The following ALDH8A1 variants were observed in gnomAD, a reference collection of about 807,000 sequenced individuals.
The protein encoded by ALDH8A1 is 2-aminomuconic semialdehyde dehydrogenase.
Under a neutral mutation model 43.3 loss-of-function variants are expected in ALDH8A1, and 39 were observed. The observed-to-expected ratio is 0.90, with a 90% confidence interval of 0.70 to 1.18. The LOEUF is 1.18. ALDH8A1 is among the 50% of genes most tolerant of loss of function. The pLI is 0.00. For missense variants in ALDH8A1, 605 were observed against 622.6 expected, an observed-to-expected ratio of 0.97 and a Z score of 0.30; for synonymous variants, 233 against 243.5, an observed-to-expected ratio of 0.96 and a Z score of 0.40.
intron 6 of ALDH8A1, among the ~76,000 whole-genome samples, chr6:134,926,202 C>CTTTTTTTTTT (rs749949919): frequency 5.3e-5 from 5 of 93,738 alleles, no homozygotes; most frequent in Middle Eastern, 6.3e-3. Flanking sequence ...CAGGACCCTT[C>CTTTTTTTTTT]TTTTTTTTTT....
chr6:134,942,388 C>A (rs202009000), intron 3 of ALDH8A1, 21 bp downstream of exon 3: 1 of 1,569,890 alleles, frequency 6.4e-7, no homozygotes, highest in Non-Finnish European at 8.7e-7. Flanking sequence ...GGGAGGTGGG[C>A]TCTCACTGAA....
rs117307860 is a variant in ALDH8A1 at position 134,918,223 on chromosome 6, G to A, written c.*192C>T. 3.3e-4 allele frequency: 191 copies of A among 581,742 alleles called. 2 individuals are homozygous for A. In the East Asian group the frequency reaches 4.6e-3, roughly 14 times the overall value. The allele number at this position is 581,742 out of a possible 1,614,324, so 36.0% of individuals were successfully genotyped here. A position where few individuals can be genotyped will look rare whatever the true frequency, so the allele number is the denominator to read the frequency against. On this transcript the variant is annotated 3_prime_UTR_variant, in exon 7 of 7. Transcript: ENST00000265605. ...TTCCTACTTATAAGTCTTTTTTTCCGAGTCCACATTGAAAATAGACAGTAT... is the reference window on the plus strand; with the variant it reads ...TTCCTACTTATAAGTCTTTTTTTCCAAGTCCACATTGAAAATAGACAGTAT...
rs1322236406 is a variant in ALDH8A1 at position 134,934,784 on chromosome 6, A to AAAAT, written c.593-1756_593-1753dup. 3.9e-5 allele frequency among the ~76,000 whole-genome samples: 6 copies of AAAAT among 152,326 alleles called. No homozygotes were observed. In the East Asian group the frequency reaches 7.7e-4, roughly 20 times the overall value. Reference sequence around the variant, plus strand: ...GGCAATGCAGCCAGACTCCATCTCAAAAATAAATAAATAAATGAAATAATA... The same window carrying AAAAT: ...GGCAATGCAGCCAGACTCCATCTCAAAAATAAATAAATAAATAAATGAAATAATA... On this transcript the variant is annotated intron_variant, in intron 4 of 6. Coordinates refer to ENST00000265605, the MANE Select transcript of ALDH8A1 (RefSeq NM_022568.4).
intron 5 of ALDH8A1, among the ~76,000 whole-genome samples, chr6:134,930,892 C>CT (rs1776974446): frequency 6.6e-6 from 1 of 152,178 alleles, no homozygotes; most frequent in South Asian, 2.1e-4. Context: ...GCGCAGGGTG[C>CT]TTTCCTCATT....
At position 134,932,857 on chromosome 6, in the gene ALDH8A1, GCCCC is replaced by G; in HGVS notation, c.764_767del (p.Gly255AlafsTer49). ...CCTCAAAGATGATGGCAGGATTCTT[GCCCC>G]CCAGCTCCAGGGAGAGCTTTTTGCA... is the stretch of plus-strand genomic sequence containing the variant. On this transcript the variant is annotated frameshift_variant, in exon 5 of 7. Transcript: ENST00000265605. LOFTEE classifies it high-confidence loss of function. 1 of 1,614,174 alleles carries G rather than the reference GCCCC, an allele frequency of 6.2e-7. No homozygotes were observed. Among genetic ancestry groups the G allele is most frequent in the African/African-American group, 1.3e-5 (1 of 75,040 alleles).
Position 134,918,223 on chromosome 6 carries a change from G to T in ALDH8A1, c.*192C>A. 5.2e-6 allele frequency: 3 copies of T among 581,748 alleles called. No homozygotes were observed. The highest frequency in any genetic ancestry group is 2.5e-5 in the South Asian group (1 of 39,720). 36.0% of individuals were successfully genotyped at this position (581,748 alleles called of 1,614,324 possible). A position where few individuals can be genotyped will look rare whatever the true frequency, so the allele number is the denominator to read the frequency against. ...TTCCTACTTATAAGTCTTTTTTTCC[G>T]AGTCCACATTGAAAATAGACAGTAT... On this transcript the variant is annotated 3_prime_UTR_variant, in exon 7 of 7. Transcript: ENST00000265605.
chr6:134,933,574 C>T (rs537840498), intron 4 of ALDH8A1, among the ~76,000 whole-genome samples: 2 of 152,272 alleles, frequency 1.3e-5, no homozygotes, highest in East Asian at 1.9e-4. Context: ...TTATAAATAG[C>T]ATCATAACAC....
At chr6:134,941,838 T>A (rs72564647) in intron 3 of ALDH8A1, among the ~76,000 whole-genome samples, 20,873 of 152,004 alleles carry the variant, frequency 0.14, 2,067 homozygotes, top group East Asian at 0.25. Flanking sequence ...TTTCCTTTTT[T>A]AAATATAAGT....
chr6:134,947,118 A>T (rs968472532), intron 1 of ALDH8A1, among the ~76,000 whole-genome samples: 5 of 152,244 alleles, frequency 3.3e-5, no homozygotes, highest in Non-Finnish European at 7.3e-5. Context: ...TGCCAAAAAT[A>T]TGCATTGGTG....
Position 134,939,425 on chromosome 6 carries a change from G to T in ALDH8A1, c.443-10C>A, listed in dbSNP as rs200628448. On this transcript the variant is annotated splice_polypyrimidine_tract_variant and intron_variant, in intron 3 of 6. Coordinates refer to ENST00000265605, the MANE Select transcript of ALDH8A1 (RefSeq NM_022568.4). ...GGGCTGATCAGACCAGCTAAGGGAT[G>T]AGAGCAGAAGCACTGCCTGTGACGG... is the stretch of plus-strand genomic sequence containing the variant. 6.2e-7 allele frequency: 1 copy of T among 1,613,078 alleles called. No homozygotes were observed. Among genetic ancestry groups the T allele is most frequent in the African/African-American group, 1.3e-5 (1 of 75,038 alleles).
intron 6 of ALDH8A1, among the ~76,000 whole-genome samples, chr6:134,921,930 C>G (rs1203502101): frequency 2.6e-5 from 4 of 152,262 alleles, no homozygotes; most frequent in Non-Finnish European, 5.9e-5. Flanking sequence ...CTAGGCGTTT[C>G]TATTAGCTCT....
intron 5 of ALDH8A1, 89 bp downstream of exon 5, chr6:134,932,687 T>C: frequency 6.5e-7 from 1 of 1,531,934 alleles, no homozygotes. Flanking sequence ...CTGGATTGAC[T>C]GGCTTGCTCC....
intron 1 of ALDH8A1, among the ~76,000 whole-genome samples, chr6:134,948,544 C>T (rs1329039026): frequency 2.0e-5 from 3 of 152,092 alleles, no homozygotes; most frequent in South Asian, 4.1e-4. Context: ...TAAAAAAGGG[C>T]TTAATGACTG....
chr6:134,935,176 T>C (rs1293179864), intron 4 of ALDH8A1, among the ~76,000 whole-genome samples: 3 of 152,230 alleles, frequency 2.0e-5, no homozygotes, highest in African/African-American at 4.8e-5. Flanking sequence ...TCCAAATGCA[T>C]GAACCTTATG....
In ALDH8A1 at chr6:134,942,526, G is replaced by T; in HGVS notation, c.325C>A (p.Arg109=). The T allele has an allele frequency of 6.2e-7, 1 of 1,614,076 alleles. No homozygotes were observed. Among genetic ancestry groups the T allele is most frequent in the Non-Finnish European group, 8.5e-7 (1 of 1,179,970 alleles). Residue 109 remains arginine, a synonymous_variant, in exon 3 of 7, where the codon CGG becomes AGG. Transcript: ENST00000265605. ...LALARTMDIP[R]SVQNFRFFAS... is the part of the protein sequence containing the mutation. ...AAGAACCTGAAGTTCTGCACAGACCGGGGAATGTCCATGGTTCTTGCCAGT... is the reference window on the plus strand; with the variant it reads ...AAGAACCTGAAGTTCTGCACAGACCTGGGAATGTCCATGGTTCTTGCCAGT...
chr6:134,924,721 C>T (rs1434184860), intron 6 of ALDH8A1, among the ~76,000 whole-genome samples: 1 of 152,116 alleles, frequency 6.6e-6, no homozygotes, highest in Non-Finnish European at 1.5e-5. Flanking sequence ...TAGGTCTTCT[C>T]TGTGGAGTCA....
At chr6:134,934,745 T>C (rs1773699810) in intron 4 of ALDH8A1, among the ~76,000 whole-genome samples, 1 of 152,178 alleles carries the variant, frequency 6.6e-6, no homozygotes, top group Non-Finnish European at 1.5e-5. Flanking sequence ...ATGGTGCCAC[T>C]GCACTCCAGC....
chr6:134,929,059 C>T lies in ALDH8A1; in HGVS notation c.1006G>A (p.Glu336Lys). The T allele has an allele frequency of 1.2e-6, 2 of 1,612,976 alleles. No homozygotes were observed. The highest frequency in any genetic ancestry group is 1.7e-6 in the Non-Finnish European group (2 of 1,179,730). ...CATGGCAGAAATTTACTTACTTTCT[C>T]CAAATGTGCTTTACTTATCAGAGCA... ...IGALISKAHL[E>K]KVRSYVKRAL... The change falls in exon 6 of 7, where the codon GAG becomes AAG. Residue 336 changes from glutamate (E) to lysine (K), a missense_variant. Transcript: ENST00000265605.
intron 5 of ALDH8A1, among the ~76,000 whole-genome samples, chr6:134,932,526 T>C (rs905114611): frequency 6.6e-6 from 1 of 152,174 alleles, no homozygotes; most frequent in Admixed American, 6.5e-5. Flanking sequence ...ATTCCACCCA[T>C]GGCTGGTACC....
Sources: allele counts gnomAD v4.1 joint callset (sites outside exome capture counted in the v4.1 genomes callset), GRCh38; gene constraint gnomAD v4.1.1; transcripts MANE v1.5; gene names NCBI Gene and HGNC (gene_info 2026-07-23, HGNC 2026-07-21).